LYPLAL1: variants seen among roughly 807,000 people sequenced by gnomAD.
The protein encoded by LYPLAL1 is lysophospholipase like 1.
A neutral mutation model predicts 19.7 loss-of-function variants in LYPLAL1; 23 were observed. The observed-to-expected ratio is 1.17, with a 90% CI of 0.84 to 1.65. The LOEUF (loss-of-function observed/expected upper bound fraction) is 1.65, where lower values mean the gene tolerates loss of function less well. Among genes scored for constraint, LYPLAL1 ranks in the 40% most tolerant of loss-of-function variants. The pLI is 0.00. For synonymous variants in LYPLAL1, 119 were observed against 96.3 expected, an observed-to-expected ratio of 1.24 and a Z score of -1.38; for missense variants, 355 against 279.4, an observed-to-expected ratio of 1.27 and a Z score of -1.93.
At chr1:219,311,483 A>G in the LYPLAL1 span, among the ~76,000 whole-genome samples, 1 of 150,904 alleles carries the variant, frequency 6.6e-6, no homozygotes, top group Non-Finnish European at 1.5e-5. Context: ...ACCAATCCCA[A>G]TCTTTGATGT....
At chr1:219,352,703 C>A in the LYPLAL1 span, among the ~76,000 whole-genome samples, 1 of 152,144 alleles carries the variant, frequency 6.6e-6, no homozygotes, top group Non-Finnish European at 1.5e-5. Flanking sequence ...AACCCAATTT[C>A]TGCTGAACAA....
At chr1:219,388,257 C>G in the LYPLAL1 span, among the ~76,000 whole-genome samples, 1 of 152,094 alleles carries the variant, frequency 6.6e-6, no homozygotes, top group Admixed American at 6.5e-5. Flanking sequence ...ACCATGCAAT[C>G]AGGGAAGAAA....
At chr1:219,341,279 A>G in the LYPLAL1 span, among the ~76,000 whole-genome samples, 1 of 152,140 alleles carries the variant, frequency 6.6e-6, no homozygotes, top group African/African-American at 2.4e-5. Context: ...AATAATTTGA[A>G]TACACATTCC....
At chr1:219,382,090 T>C in the LYPLAL1 span, among the ~76,000 whole-genome samples, 5 of 152,256 alleles carry the variant, frequency 3.3e-5, no homozygotes, top group Admixed American at 3.3e-4. Flanking sequence ...CCAGGGTGTG[T>C]TGGTGCAAAA....
chr1:219,274,052 G>C, the LYPLAL1 span, among the ~76,000 whole-genome samples: 1 of 152,188 alleles, frequency 6.6e-6, no homozygotes, highest in South Asian at 2.1e-4. Context: ...GAACCACCAC[G>C]CCTGGCCCTG....
the LYPLAL1 span, among the ~76,000 whole-genome samples, chr1:219,334,161 T>C: frequency 6.6e-6 from 1 of 151,968 alleles, no homozygotes; most frequent in Non-Finnish European, 1.5e-5. Context: ...ATTACTATAA[T>C]AGAAAGAACC....
chr1:219,236,961 T>C, the LYPLAL1 span, among the ~76,000 whole-genome samples: 7 of 149,700 alleles, frequency 4.7e-5, no homozygotes, highest in Non-Finnish European at 8.9e-5. Flanking sequence ...TGTGTCCATG[T>C]GTAAGAGAAA....
the LYPLAL1 span, among the ~76,000 whole-genome samples, chr1:219,350,977 T>C: frequency 7.9e-5 from 12 of 152,114 alleles, no homozygotes; most frequent in Non-Finnish European, 1.3e-4. Flanking sequence ...CTGAAGTATT[T>C]GTTCATCTTG....
At chr1:219,348,734 C>G in the LYPLAL1 span, among the ~76,000 whole-genome samples, 1 of 152,118 alleles carries the variant, frequency 6.6e-6, no homozygotes, top group Non-Finnish European at 1.5e-5. Context: ...TAATCTATTG[C>G]CTTTCCCGGG....
intron 2 of LYPLAL1, among the ~76,000 whole-genome samples, chr1:219,190,642 A>AAC (rs1657098948): frequency 6.7e-6 from 1 of 149,730 alleles, no homozygotes; most frequent in Non-Finnish European, 1.5e-5. Flanking sequence ...AAAAAAAAAA[A>AAC]CCCTTAAGTA....
chr1:219,419,594 C>CACACACACAG, the LYPLAL1 span, among the ~76,000 whole-genome samples: 5,962 of 99,366 alleles, frequency 0.06, 276 homozygotes, highest in Non-Finnish European at 0.082. Context: ...CACACACACA[C>CACACACACAG]AGAGAGAGAG....
Position 219,179,146 on chromosome 1 carries a change from G to T in LYPLAL1, c.92-1G>T, listed in dbSNP as rs776454725. Reference sequence around the variant, plus strand: ...TTAATCTAGATTTTTTGATTCATCAGGTGATTCTGGACAAGGATTAAGAAT... The same window carrying T: ...TTAATCTAGATTTTTTGATTCATCATGTGATTCTGGACAAGGATTAAGAAT... On this transcript the variant is annotated splice_acceptor_variant, in intron 1 of 4. Transcript: ENST00000366928. LOFTEE classifies it high-confidence loss of function. 3.4e-5 allele frequency: 54 copies of T among 1,596,188 alleles called. No individual in the cohort carries two copies. Among genetic ancestry groups the T allele is most frequent in the Non-Finnish European group, 4.4e-5 (52 of 1,171,748 alleles).
the LYPLAL1 span, among the ~76,000 whole-genome samples, chr1:219,337,697 C>T: frequency 1.3e-5 from 2 of 152,140 alleles, no homozygotes; most frequent in East Asian, 3.9e-4. Context: ...CACACAAAAG[C>T]TGGCTCTTCA....
chr1:219,435,820 C>T, the LYPLAL1 span, among the ~76,000 whole-genome samples: 70 of 151,720 alleles, frequency 4.6e-4, no homozygotes, highest in East Asian at 1.2e-3. Flanking sequence ...AGTGAGATTC[C>T]GTCCCAAAAA....
At chr1:219,435,697 A>G in the LYPLAL1 span, among the ~76,000 whole-genome samples, 5 of 151,958 alleles carry the variant, frequency 3.3e-5, no homozygotes, top group South Asian at 6.2e-4. Context: ...GTGGTGGTGC[A>G]TGCCTGTAGT....
the LYPLAL1 span, among the ~76,000 whole-genome samples, chr1:219,358,450 C>G: frequency 6.6e-6 from 1 of 152,192 alleles, no homozygotes; most frequent in East Asian, 1.9e-4. Flanking sequence ...TTCATTTTCA[C>G]AGCACTATAA....
chr1:219,218,134 T>A, the LYPLAL1 span, among the ~76,000 whole-genome samples: 2 of 152,160 alleles, frequency 1.3e-5, no homozygotes, highest in Admixed American at 1.3e-4. Context: ...AAATTAAATA[T>A]ATTGTTTATA....
intron 2 of LYPLAL1, among the ~76,000 whole-genome samples, chr1:219,179,999 CT>C (rs367885372): frequency 4.1e-4 from 62 of 151,802 alleles, no homozygotes; most frequent in African/African-American, 1.5e-3. Flanking sequence ...TTTTCTTCTT[CT>C]TTTTTTATTT....
chr1:219,174,783 G>A (rs188200801), intron 1 of LYPLAL1, among the ~76,000 whole-genome samples: 133 of 152,278 alleles, frequency 8.7e-4, no homozygotes, highest in Admixed American at 1.4e-3. Context: ...AAGCTCTCAG[G>A]AAATGTTTTT....
Sources: gnomAD v4.1 joint callset for allele counts (sites outside exome capture counted in the v4.1 genomes callset) on GRCh38, gnomAD v4.1.1 for gene constraint, MANE v1.5 for transcripts, NCBI Gene and HGNC (gene_info 2026-07-23, HGNC 2026-07-21) for gene names.